The following ERN1 variants were observed in gnomAD, a reference collection of about 807,000 sequenced individuals.
ERN1 encodes serine/threonine-protein kinase/endoribonuclease IRE1.
Under a neutral mutation model 113.1 loss-of-function variants are expected in ERN1, and 39 were observed. The observed-to-expected ratio is 0.34, with a 90% CI of 0.27 to 0.45. The LOEUF (loss-of-function observed/expected upper bound fraction) is 0.45, where lower values mean the gene tolerates loss of function less well. Among genes scored for constraint, ERN1 ranks in the 20% least tolerant of loss-of-function variants. The probability of loss-of-function intolerance (pLI) is 1.00; values close to 1 mark genes in which losing one functional copy is unlikely to be tolerated. For missense variants in ERN1, 976 were observed against 1,274.8 expected (o/e 0.77, Z 3.57); for synonymous variants, 507 against 515.9 (o/e 0.98, Z 0.23).
chr17:64,051,168 A>G (rs538652905), intron 17 of ERN1, among the ~76,000 whole-genome samples: 12 of 151,938 alleles, frequency 7.9e-5, no homozygotes, highest in African/African-American at 2.9e-4. Flanking sequence ...AAAAAAAAAA[A>G]AGAGAGAGAG....
At chr17:64,119,913 A>C (rs968562344) in intron 1 of ERN1, among the ~76,000 whole-genome samples, 2 of 152,008 alleles carry the variant, frequency 1.3e-5, no homozygotes, top group Admixed American at 6.6e-5. Flanking sequence ...CTTGGGCCTT[A>C]AAACATTTTT....
intron 8 of ERN1, 101 bp downstream of exon 8, chr17:64,066,570 C>T: frequency 1.4e-6 from 2 of 1,397,190 alleles, no homozygotes; most frequent in Non-Finnish European, 2.0e-6. Flanking sequence ...GCTTCAGAGA[C>T]TGCCCTGTCT....
At chr17:64,103,012 A>G in intron 1 of ERN1, 1 of 942,548 alleles carries the variant, frequency 1.1e-6, no homozygotes, top group Non-Finnish European at 1.3e-6. Context: ...GTCTAGCCTA[A>G]AACTAAACAT....
chr17:64,079,847 G>A (rs1368138869), intron 3 of ERN1, 113 bp from the exon 4 acceptor site: 7 of 776,524 alleles, frequency 9.0e-6, no homozygotes, highest in East Asian at 2.7e-5. Context: ...GTGGTTGTGT[G>A]TAGGTGTATA....
At chr17:64,120,112 C>T (rs142391478) in intron 1 of ERN1, among the ~76,000 whole-genome samples, 3 of 151,944 alleles carry the variant, frequency 2.0e-5, no homozygotes, top group African/African-American at 7.3e-5. Flanking sequence ...CCAGAGATTC[C>T]AATTTCATTC....
chr17:64,081,720 C>T (rs1913773822), intron 2 of ERN1, among the ~76,000 whole-genome samples: 1 of 152,192 alleles, frequency 6.6e-6, no homozygotes, highest in African/African-American at 2.4e-5. Flanking sequence ...GCAGGCATTA[C>T]TTTTTAAATT....
chr17:64,086,607 ATTTTCATTTCTTTTT>A (rs1380740985), intron 2 of ERN1, among the ~76,000 whole-genome samples: 1 of 42,250 alleles, frequency 2.4e-5, no homozygotes, highest in Non-Finnish European at 6.1e-5. Context: ...ATTTGGACCT[ATTTTCATTTCTTTTT>A]TTTTCTTTTC....
At position 64,054,630 on chromosome 17, in the gene ERN1, A is replaced by G; in HGVS notation, c.1763+108T>C. 9.9e-7 allele frequency: 1 copy of G among 1,014,814 alleles called. No individual in the cohort carries two copies. The highest frequency in any genetic ancestry group is 1.6e-5 in the South Asian group (1 of 63,236). The allele number at this position is 1,014,814 out of a possible 1,614,324, so 62.9% of individuals were successfully genotyped here. On this transcript the variant is annotated intron_variant, in intron 14 of 21. Transcript: ENST00000433197. The surrounding 1 kb of genome is among the most constrained non-coding windows in gnomAD (Gnocchi z 4.9). ...CCTGGAGGCCGGACTCCATGCGTCT[A>G]GGTCACTGCTTTGACCCTGCTGTGC...
At chr17:64,055,995 G>A in intron 12 of ERN1, 47 bp from the exon 13 acceptor site, 1 of 1,493,542 alleles carries the variant, frequency 6.7e-7, no homozygotes, top group East Asian at 2.5e-5. Context: ...GTTCCCACAG[G>A]GAAACAAGCA....
At chr17:64,123,056 G>A (rs1324060378) in intron 1 of ERN1, among the ~76,000 whole-genome samples, 1 of 151,730 alleles carries the variant, frequency 6.6e-6, no homozygotes, top group East Asian at 1.9e-4. Flanking sequence ...GATAATCCCA[G>A]CAAAAGGTAG....
chr17:64,126,154 T>C (rs1252113366), intron 1 of ERN1, among the ~76,000 whole-genome samples: 1 of 152,202 alleles, frequency 6.6e-6, no homozygotes. Context: ...CCAGTCCTAT[T>C]TTTTAAGCCA....
chr17:64,092,476 G>C (rs967310851), intron 2 of ERN1, among the ~76,000 whole-genome samples: 1 of 152,124 alleles, frequency 6.6e-6, no homozygotes, highest in Non-Finnish European at 1.5e-5. Context: ...TGTATACTCA[G>C]AACCTGGAGT....
chr17:64,074,888 T>A (rs1044997861), intron 5 of ERN1, among the ~76,000 whole-genome samples: 1 of 152,228 alleles, frequency 6.6e-6, no homozygotes, highest in Non-Finnish European at 1.5e-5. Flanking sequence ...TTTCATCCAT[T>A]TGCCACTGGG....
At chr17:64,095,676 C>T (rs529682778) in intron 2 of ERN1, among the ~76,000 whole-genome samples, 1 of 152,292 alleles carries the variant, frequency 6.6e-6, no homozygotes, top group East Asian at 1.9e-4. Flanking sequence ...CCTGTTCAAT[C>T]ACATTAACAG....
Position 64,098,104 on chromosome 17 carries a change from G to A in ERN1, c.175+17C>T. ...TAAGCAAATGTCCATGTCGCCCAAGGACCAAATCCAAATTACCTTCTTTTA... is the reference window on the plus strand; with the variant it reads ...TAAGCAAATGTCCATGTCGCCCAAGAACCAAATCCAAATTACCTTCTTTTA... On this transcript the variant is annotated intron_variant, in intron 2 of 21. Transcript: ENST00000433197. 1 of 1,613,682 alleles carries A rather than the reference G, an allele frequency of 6.2e-7. No individual in the cohort carries two copies. The highest frequency in any genetic ancestry group is 8.5e-7 in the Non-Finnish European group (1 of 1,179,716).
rs191050986 is a variant in ERN1, at chr17:64,056,072, A to G, written c.1399-124T>C. Reference sequence around the variant, plus strand: ...ACTTTATGTGACCCAACAGGGCACAAAGAGACCAGTGAGAAGGCACCTGGA... The same window carrying G: ...ACTTTATGTGACCCAACAGGGCACAGAGAGACCAGTGAGAAGGCACCTGGA... On this transcript the variant is annotated intron_variant, in intron 12 of 21. Coordinates refer to ENST00000433197, the MANE Select transcript of ERN1 (RefSeq NM_001433.5). The G allele has an allele frequency of 2.4e-5, 34 of 1,406,104 alleles. No individual in the cohort carries two copies. In the East Asian group the frequency reaches 7.9e-4, roughly 33 times the overall value. 87.1% of individuals were successfully genotyped at this position (1,406,104 alleles called of 1,614,324 possible).
At chr17:64,128,161 A>ATTT (rs760752335) in intron 1 of ERN1, among the ~76,000 whole-genome samples, 29 of 126,382 alleles carry the variant, frequency 2.3e-4, no homozygotes, top group African/African-American at 8.7e-4. Flanking sequence ...CGCCCGGCTA[A>ATTT]TTTTTTTTTT....
chr17:64,105,703 C>T (rs907339324), intron 1 of ERN1, among the ~76,000 whole-genome samples: 5 of 150,318 alleles, frequency 3.3e-5, no homozygotes, highest in East Asian at 1.9e-4. Context: ...CAGTGGCTCA[C>T]GCCTGTAATC....
At chr17:64,083,637 A>C (rs998989269) in intron 2 of ERN1, among the ~76,000 whole-genome samples, 1 of 152,224 alleles carries the variant, frequency 6.6e-6, no homozygotes, top group African/African-American at 2.4e-5. Context: ...GGGAAAATAT[A>C]GCTGAAATCA....
Sources: allele counts gnomAD v4.1 joint callset (sites outside exome capture counted in the v4.1 genomes callset), GRCh38; gene constraint gnomAD v4.1.1; non-coding constraint Gnocchi (gnomAD v3.1); transcripts MANE v1.5; gene names NCBI Gene and HGNC (gene_info 2026-07-23, HGNC 2026-07-21).